KCNH8: variants seen among roughly 807,000 people sequenced by gnomAD.
The protein encoded by KCNH8 is voltage-gated delayed rectifier potassium channel KCNH8.
Under a neutral mutation model 103.6 loss-of-function variants are expected in KCNH8, and 70 were observed. The observed-to-expected ratio is 0.68, with a 90% CI of 0.56 to 0.82. The LOEUF is 0.82. Ranked by LOEUF, KCNH8 falls within the 40% of genes least tolerant of loss-of-function variation. The probability of loss-of-function intolerance (pLI) is 0.00; values close to 1 mark genes in which losing one functional copy is unlikely to be tolerated. For missense variants in KCNH8, 1,217 were observed against 1,329.9 expected, an observed-to-expected ratio of 0.92 and a Z score of 1.32; for synonymous variants, 498 against 489.4, an observed-to-expected ratio of 1.02 and a Z score of -0.23.
At chr3:19,422,683 C>A (rs1486843485) in intron 7 of KCNH8, among the ~76,000 whole-genome samples, 1 of 152,010 alleles carries the variant, frequency 6.6e-6, no homozygotes, top group Non-Finnish European at 1.5e-5. Flanking sequence ...TATCATTTAA[C>A]AAATATTAAT....
intron 7 of KCNH8, among the ~76,000 whole-genome samples, chr3:19,435,314 C>T (rs2067182714): frequency 6.6e-6 from 1 of 152,084 alleles, no homozygotes. Context: ...TACTTAATGT[C>T]CCTGAGCCTT....
chr3:19,416,663 T>C (rs946116038), intron 7 of KCNH8, among the ~76,000 whole-genome samples: 8 of 152,306 alleles, frequency 5.3e-5, no homozygotes, highest in East Asian at 1.9e-4. Flanking sequence ...TGTGAAAATA[T>C]ACAGAATTTT....
rs190369938 is a variant in KCNH8, at chr3:19,291,816, G to A, written c.442+10487G>A. ...GATATCCTTGTTAACTTTCTGTCTCGTTGATTCTGTTATCTTGTCATTCCC... is the reference window on the plus strand; with the variant it reads ...GATATCCTTGTTAACTTTCTGTCTCATTGATTCTGTTATCTTGTCATTCCC... On this transcript the variant is annotated intron_variant, in intron 3 of 15. Coordinates refer to ENST00000328405, the MANE Select transcript of KCNH8 (RefSeq NM_144633.3). 4.6e-3 allele frequency among the ~76,000 whole-genome samples: 706 copies of A among 152,230 alleles called. 3 individuals are homozygous for A. The highest frequency in any genetic ancestry group is 0.015 in the African/African-American group (643 of 41,536).
intron 1 of KCNH8, among the ~76,000 whole-genome samples, chr3:19,157,269 T>C (rs2063190164): frequency 6.6e-6 from 1 of 152,096 alleles, no homozygotes; most frequent in South Asian, 2.1e-4. Context: ...GAAGGTAAAA[T>C]TGGGCAAGGT....
intron 1 of KCNH8, among the ~76,000 whole-genome samples, chr3:19,250,780 T>G (rs1260127527): frequency 6.6e-6 from 1 of 152,212 alleles, no homozygotes; most frequent in Non-Finnish European, 1.5e-5. Flanking sequence ...TTAGTGTTAT[T>G]TATGTACATG....
At chr3:19,455,217 G>A (rs1161960931) in intron 10 of KCNH8, among the ~76,000 whole-genome samples, 1 of 152,080 alleles carries the variant, frequency 6.6e-6, no homozygotes, top group Non-Finnish European at 1.5e-5. Flanking sequence ...GAATGTGTTT[G>A]CCTTGTACAC....
intron 1 of KCNH8, among the ~76,000 whole-genome samples, chr3:19,175,465 TC>T (rs1312678926): frequency 6.6e-6 from 1 of 152,168 alleles, no homozygotes. Flanking sequence ...CGCCTCGGCC[TC>T]CCAAAGTGCT....
chr3:19,415,022 C>G (rs2066841558), intron 7 of KCNH8, among the ~76,000 whole-genome samples: 1 of 151,694 alleles, frequency 6.6e-6, no homozygotes, highest in African/African-American at 2.4e-5. Flanking sequence ...TCTTTCTCTC[C>G]TCTACTATTA....
chr3:19,283,969 A>C (rs2064793098), intron 3 of KCNH8, among the ~76,000 whole-genome samples: 1 of 150,288 alleles, frequency 6.7e-6, no homozygotes, highest in African/African-American at 2.4e-5. Context: ...AAAGAAAAAG[A>C]AAAAAAAATA....
chr3:19,191,104 AC>A (rs1333615350), intron 1 of KCNH8, among the ~76,000 whole-genome samples: 1 of 151,850 alleles, frequency 6.6e-6, no homozygotes, highest in Non-Finnish European at 1.5e-5. Context: ...TTTCACAGAA[AC>A]TTTTATCTTT....
intron 5 of KCNH8, among the ~76,000 whole-genome samples, chr3:19,356,871 AAAAG>A (rs1448340047): frequency 2.0e-5 from 3 of 152,024 alleles, no homozygotes; most frequent in East Asian, 3.9e-4. Context: ...GAAAATGAGA[AAAAG>A]AAAGACCACC....
intron 3 of KCNH8, among the ~76,000 whole-genome samples, chr3:19,321,017 T>C (rs2065343087): frequency 6.6e-6 from 1 of 152,028 alleles, no homozygotes; most frequent in African/African-American, 2.4e-5. Context: ...ATTTCTGTGA[T>C]ATCTGTTGCA....
At chr3:19,477,734 TCTTA>T (rs1372902875) in intron 11 of KCNH8, among the ~76,000 whole-genome samples, 5 of 152,212 alleles carry the variant, frequency 3.3e-5, no homozygotes, top group Non-Finnish European at 5.9e-5. Context: ...TCTTAAGATG[TCTTA>T]CTATGAGTTA....
chr3:19,221,032 A>G (rs1178134184), intron 1 of KCNH8, among the ~76,000 whole-genome samples: 1 of 152,216 alleles, frequency 6.6e-6, no homozygotes, highest in Non-Finnish European at 1.5e-5. Context: ...GGTTTGTTGT[A>G]CTGTCTCTCA....
intron 2 of KCNH8, among the ~76,000 whole-genome samples, chr3:19,266,990 A>T (rs552999922): frequency 6.6e-6 from 1 of 152,176 alleles, no homozygotes; most frequent in African/African-American, 2.4e-5. Flanking sequence ...ATAAATTAAC[A>T]TCTGTTTGTA....
intron 3 of KCNH8, among the ~76,000 whole-genome samples, chr3:19,326,329 G>A (rs1485822040): frequency 2.8e-5 from 4 of 144,286 alleles, no homozygotes; most frequent in Admixed American, 2.1e-4. Flanking sequence ...GCCTGCACAT[G>A]TACCCCTGAA....
intron 1 of KCNH8, among the ~76,000 whole-genome samples, chr3:19,162,569 T>C (rs2063244740): frequency 6.6e-6 from 1 of 151,840 alleles, no homozygotes; most frequent in South Asian, 2.1e-4. Context: ...GGGAAAAATA[T>C]TAAACAATGA....
intron 1 of KCNH8, among the ~76,000 whole-genome samples, chr3:19,164,718 A>G (rs2063265705): frequency 6.6e-6 from 1 of 152,228 alleles, no homozygotes; most frequent in Non-Finnish European, 1.5e-5. Context: ...TTAAGAAGAC[A>G]TTATCTGGGA....
chr3:19,199,928 A>T (rs1381846379), intron 1 of KCNH8, among the ~76,000 whole-genome samples: 2 of 152,038 alleles, frequency 1.3e-5, no homozygotes, highest in Admixed American at 6.6e-5. Flanking sequence ...ATTATGAAGA[A>T]GTTCATAGTA....
Sources: allele counts gnomAD v4.1 joint callset (sites outside exome capture counted in the v4.1 genomes callset), GRCh38; gene constraint gnomAD v4.1.1; transcripts MANE v1.5; gene names NCBI Gene and HGNC (gene_info 2026-07-23, HGNC 2026-07-21).